DAB1: variants seen among roughly 807,000 people sequenced by gnomAD.
DAB1 encodes disabled homolog 1.
Under a neutral mutation model 64.6 loss-of-function variants are expected in DAB1, and 15 were observed. The ratio of observed to expected loss-of-function variants is 0.23; its 90% confidence interval spans 0.16 to 0.36. The LOEUF is 0.36. Ranked by LOEUF, DAB1 falls within the 10% of genes least tolerant of loss-of-function variation. The pLI is 1.00. For missense variants in DAB1, 596 were observed against 706.7 expected, an observed-to-expected ratio of 0.84 and a Z score of 1.78; for synonymous variants, 235 against 251.9, an observed-to-expected ratio of 0.93 and a Z score of 0.64.
chr1:57,267,989 A>G (rs1267920334), intron 2 of DAB1, among the ~76,000 whole-genome samples: 1 of 152,224 alleles, frequency 6.6e-6, no homozygotes, highest in East Asian at 1.9e-4. Context: ...TTATAATTCC[A>G]AGAAGCTGAA....
chr1:58,520,227 C>T (rs1280346638), intron 2 of DAB1, among the ~76,000 whole-genome samples: 4 of 151,984 alleles, frequency 2.6e-5, no homozygotes, highest in Non-Finnish European at 5.9e-5. Flanking sequence ...CAGACCTGCA[C>T]GTGTACCCTG....
intron 3 of DAB1, among the ~76,000 whole-genome samples, chr1:58,446,006 T>C (rs931447336): frequency 6.6e-6 from 1 of 152,142 alleles, no homozygotes; most frequent in Non-Finnish European, 1.5e-5. Context: ...GGACTGTCTT[T>C]GTTTTAGAAC....
chr1:58,177,144 G>T (rs1370833534), intron 4 of DAB1, among the ~76,000 whole-genome samples: 1 of 152,052 alleles, frequency 6.6e-6, no homozygotes, highest in Non-Finnish European at 1.5e-5. Flanking sequence ...TCAGTAACTA[G>T]CCCAGAATCA....
chr1:57,628,604 T>C (rs1263177690), intron 7 of DAB1, among the ~76,000 whole-genome samples: 3 of 37,140 alleles, frequency 8.1e-5, no homozygotes, highest in Non-Finnish European at 1.2e-4. Flanking sequence ...ATTAAAAACT[T>C]ATAAAATATC....
At chr1:57,147,793 A>G (rs1282496773) in intron 2 of DAB1, among the ~76,000 whole-genome samples, 2 of 152,186 alleles carry the variant, frequency 1.3e-5, no homozygotes. Flanking sequence ...TTAAGTCCAG[A>G]AAATAATTGT....
chr1:57,565,984 C>T (rs554252351), intron 7 of DAB1, among the ~76,000 whole-genome samples: 25 of 152,318 alleles, frequency 1.6e-4, no homozygotes, highest in Non-Finnish European at 3.4e-4. Context: ...TTCTTCTCAG[C>T]ACCACATTGC....
intron 7 of DAB1, among the ~76,000 whole-genome samples, chr1:57,449,888 T>C (rs1242939208): frequency 6.6e-6 from 1 of 152,204 alleles, no homozygotes; most frequent in Non-Finnish European, 1.5e-5. Flanking sequence ...TTTTATTGAT[T>C]CTAGAATTGT....
chr1:57,107,866 T>C (rs1158936827), intron 4 of DAB1, among the ~76,000 whole-genome samples: 1 of 152,178 alleles, frequency 6.6e-6, no homozygotes, highest in Non-Finnish European at 1.5e-5. Flanking sequence ...CCAAGCTTTG[T>C]GACCCTGGAC....
chr1:58,346,915 C>A (rs1228168362), intron 3 of DAB1, among the ~76,000 whole-genome samples: 2 of 152,198 alleles, frequency 1.3e-5, no homozygotes, highest in East Asian at 3.9e-4. Flanking sequence ...GATTGCAATT[C>A]AAACTTGACT....
intron 4 of DAB1, among the ~76,000 whole-genome samples, chr1:58,337,899 A>G (rs1450489814): frequency 1.3e-5 from 2 of 152,090 alleles, no homozygotes; most frequent in Non-Finnish European, 2.9e-5. Flanking sequence ...AGTTGTACAG[A>G]TCTCTTACAC....
chr1:57,807,021 A>T (rs1282506590), intron 6 of DAB1, among the ~76,000 whole-genome samples: 1 of 152,170 alleles, frequency 6.6e-6, no homozygotes, highest in Non-Finnish European at 1.5e-5. Flanking sequence ...TGAATGAATG[A>T]ACCTATGTGT....
chr1:57,819,461 G>C (rs938535555), intron 6 of DAB1, among the ~76,000 whole-genome samples: 25 of 152,260 alleles, frequency 1.6e-4, no homozygotes, highest in African/African-American at 5.8e-4. Flanking sequence ...GAGATTTAAG[G>C]AGTGGGTGGA....
chr1:58,243,966 A>G lies in DAB1; in HGVS notation n.310-93378T>C, dbSNP rs144892636. Among the ~76,000 whole-genome samples the G allele has an allele frequency of 6.1e-3, 926 of 152,272 alleles. 4 individuals are homozygous for G. Among genetic ancestry groups the G allele is most frequent in the Middle Eastern group, 0.01 (3 of 294 alleles). On this transcript the variant is annotated intron_variant and non_coding_transcript_variant, in intron 4 of 20. Transcript: ENST00000485760. Reference sequence around the variant, plus strand: ...AAAACACACACACAAGAAAAATTTCATCATTTCATGCTTTGCTGAATTTTA... The same window carrying G: ...AAAACACACACACAAGAAAAATTTCGTCATTTCATGCTTTGCTGAATTTTA...
intron 4 of DAB1, among the ~76,000 whole-genome samples, chr1:58,322,818 T>G (rs1318971499): frequency 1.3e-5 from 2 of 152,120 alleles, no homozygotes; most frequent in African/African-American, 4.8e-5. Context: ...CTATTCACAA[T>G]AGCAAAGACT....
At chr1:57,571,354 T>G (rs1645192119) in intron 7 of DAB1, among the ~76,000 whole-genome samples, 1 of 152,160 alleles carries the variant, frequency 6.6e-6, no homozygotes, top group Non-Finnish European at 1.5e-5. Context: ...TCTCCCTGCC[T>G]TTAGTGTCAT....
At chr1:57,294,978 A>T (rs985569615) in intron 1 of DAB1, among the ~76,000 whole-genome samples, 1 of 152,198 alleles carries the variant, frequency 6.6e-6, no homozygotes, top group Non-Finnish European at 1.5e-5. Flanking sequence ...TAGACAAAAT[A>T]TGTTGCATAC....
At position 57,598,363 on chromosome 1, in the gene DAB1, C is replaced by T. The variant is rs549303330; in HGVS notation, n.625+51229G>A. ...TAATCCTGACTCCGTTACTCCTTTG[C>T]TGTGTGCCCCTTGGCAAATTACTTA... On this transcript the variant is annotated intron_variant and non_coding_transcript_variant, in intron 7 of 20. Transcript: ENST00000485760. Among the ~76,000 whole-genome samples the T allele has an allele frequency of 3.9e-5, 6 of 152,388 alleles. No individual in the cohort carries two copies. The South Asian group carries it at 1.0e-3, about 26-fold the overall frequency.
intron 7 of DAB1, among the ~76,000 whole-genome samples, chr1:57,495,447 C>A (rs1401746566): frequency 6.6e-6 from 1 of 152,122 alleles, no homozygotes; most frequent in Non-Finnish European, 1.5e-5. Context: ...ACGGTGTAAT[C>A]TTTTTGAAGA....
intron 1 of DAB1, among the ~76,000 whole-genome samples, chr1:57,337,256 T>C (rs1677156147): frequency 6.6e-6 from 1 of 152,242 alleles, no homozygotes; most frequent in African/African-American, 2.4e-5. Context: ...AGAACCCAGA[T>C]TCTTTTATGA....
Sources: allele counts gnomAD v4.1 joint callset (sites outside exome capture counted in the v4.1 genomes callset), GRCh38; gene constraint gnomAD v4.1.1; transcripts MANE v1.5; gene names NCBI Gene and HGNC (gene_info 2026-07-23, HGNC 2026-07-21).